DHX38: variants seen among roughly 807,000 people sequenced by gnomAD.
DHX38 encodes the protein pre-mRNA-splicing factor ATP-dependent RNA helicase PRP16.
DHX38 carries 100 observed loss-of-function variants against 153.1 expected under a neutral mutation model. The ratio of observed to expected loss-of-function variants is 0.65; its 90% CI spans 0.56 to 0.77. DHX38 has a LOEUF of 0.77. Among genes scored for constraint, DHX38 ranks in the 30% least tolerant of loss-of-function variants. The probability of loss-of-function intolerance (pLI) is 0.00; values close to 1 mark genes in which losing one functional copy is unlikely to be tolerated. For synonymous variants in DHX38, 650 were observed against 631.7 expected (o/e 1.03, Z -0.43); for missense variants, 1,440 against 1,654.0 (o/e 0.87, Z 2.24).
At chr16:72,100,988 C>T in intron 9 of DHX38, 98 bp from the exon 10 acceptor site, 1 of 1,186,750 alleles carries the variant, frequency 8.4e-7, no homozygotes, top group Non-Finnish European at 1.3e-6. Context: ...AGCCCTGTAC[C>T]ATGAGAGGGT....
At chr16:72,100,849 C>T (rs1292226020) in intron 9 of DHX38, among the ~76,000 whole-genome samples, 1 of 152,150 alleles carries the variant, frequency 6.6e-6, no homozygotes, top group Non-Finnish European at 1.5e-5. Flanking sequence ...GTTGCTTGAA[C>T]CTGGGAGGCA....
chr16:72,109,105 G>T lies in DHX38; in HGVS notation c.3381+180G>T, dbSNP rs1280819088. Among the ~76,000 whole-genome samples, 3 of 152,212 alleles carry T rather than the reference G, an allele frequency of 2.0e-5. No individual in the cohort carries two copies. In the East Asian group the frequency reaches 5.8e-4, roughly 29 times the overall value. On this transcript the variant is annotated intron_variant, in intron 24 of 26. Transcript: ENST00000268482. ...ACTTGGGGAAGCTCTGCACAGGGTT[G>T]ACCTCTAGACTGCATTGACCTCAGC...
At chr16:72,101,678 C>T (rs555909079) in intron 11 of DHX38, 66 bp downstream of exon 11, 23 of 1,342,506 alleles carry the variant, frequency 1.7e-5, no homozygotes, top group Middle Eastern at 2.2e-4. Context: ...TGGGCAGTTG[C>T]GGCAGAACCC....
chr16:72,104,192 G>A lies in DHX38; in HGVS notation c.2010+61G>A. 1 of 1,576,912 alleles carries A rather than the reference G, an allele frequency of 6.3e-7. No homozygotes were observed. The highest frequency in any genetic ancestry group is 1.1e-5 in the South Asian group (1 of 87,716). On this transcript the variant is annotated intron_variant, in intron 14 of 26. Transcript: ENST00000268482. The surrounding 1 kb of genome is among the most constrained non-coding windows in gnomAD (Gnocchi z 4.5). ...GGTGTTGACCAGTGCACCACCAGTA[G>A]CTAGTGGGTTGCTCCAGGTGGGCTG...
chr16:72,095,568 T>C (rs2042001293), intron 1 of DHX38, among the ~76,000 whole-genome samples: 2 of 152,240 alleles, frequency 1.3e-5, no homozygotes, highest in South Asian at 4.1e-4. Context: ...TTAACTGTTA[T>C]GGTTACATAA....
In DHX38 at chr16:72,103,099, A is replaced by G. The variant is rs551793007; in HGVS notation, c.1525A>G (p.Met509Val). ...YRTEQKFADH[M>V]KRKSEASSEF... ...GACAGAGCAGAAGTTTGCAGATCAC[A>G]TGAAGAGAAAGAGCGAAGCCAGCAG... is the stretch of plus-strand genomic sequence containing the variant. The change falls in exon 12 of 27, where the codon ATG becomes GTG. Residue 509 changes from methionine (M) to valine (V), a missense_variant. Met to Val is a conservative substitution (Grantham distance 21). Transcript: ENST00000268482. 2 of 1,614,100 alleles carry G rather than the reference A, an allele frequency of 1.2e-6. No individual in the cohort carries two copies. The highest frequency in any genetic ancestry group is 1.7e-6 in the Non-Finnish European group (2 of 1,180,030).
Position 72,100,461 on chromosome 16 carries a change from G to T in DHX38, c.1142G>T (p.Arg381Leu), listed in dbSNP as rs2042084954. Residue 381 changes from arginine to leucine, a missense_variant, in exon 9 of 27, where the codon CGC becomes CTC. By Grantham distance (102) the Arg-to-Leu change is moderately radical (BLOSUM62 -2). Around this residue, in one of 6 missense-constraint regions of DHX38, gnomAD observed 77 missense variants for 125.4 expected, o/e 0.61. Coordinates refer to ENST00000268482, the MANE Select transcript of DHX38 (RefSeq NM_014003.4). ...NEDNERWETNRMLTSGVVHRL... is the reference protein window; with the variant it reads ...NEDNERWETNLMLTSGVVHRL... ...GATAACGAGCGCTGGGAGACAAACC[G>T]CATGCTCACCAGTGGGGTGGTCCAT... The T allele has an allele frequency of 6.2e-7, 1 of 1,613,956 alleles. No homozygotes were observed. Among genetic ancestry groups the T allele is most frequent in the South Asian group, 1.1e-5 (1 of 91,088 alleles).
rs565963668 is a variant in DHX38, at chr16:72,100,523, G to A, written c.1204G>A (p.Ala402Thr). 13 of 1,614,192 alleles carry A rather than the reference G, an allele frequency of 8.1e-6. No individual in the cohort carries two copies. The highest frequency in any genetic ancestry group is 5.0e-5 in the Admixed American group (3 of 60,030). ...GGATGAGGACTTTGAAGAGGACAAC[G>A]CGGCCAAGGTGCATCTGATGGTGCA... ...EVDEDFEEDN[A>T]AKVHLMVHNL... The change falls in exon 9 of 27, where the codon GCG becomes ACG. Residue 402 changes from alanine (A) to threonine (T), a missense_variant. Transcript: ENST00000268482.
intron 26 of DHX38, 27 bp from the exon 27 acceptor site, chr16:72,112,386 T>G (rs750698568): frequency 4.4e-6 from 7 of 1,603,948 alleles, no homozygotes; most frequent in African/African-American, 1.3e-5. Flanking sequence ...GCACGGTGTT[T>G]CCTGATCTCT....
rs1255760349 is a variant in DHX38 at position 72,107,307 on chromosome 16, T to C, written c.2601-33T>C. 2 of 1,584,250 alleles carry C rather than the reference T, an allele frequency of 1.3e-6. No individual in the cohort carries two copies. The highest frequency in any genetic ancestry group is 4.5e-5 in the East Asian group (2 of 44,666). ...TGTACTGGCTGCTGTGGGGTTTCCTTGTGGTGAGAAGATGGGGTCTTCTCC... is the reference window on the plus strand; with the variant it reads ...TGTACTGGCTGCTGTGGGGTTTCCTCGTGGTGAGAAGATGGGGTCTTCTCC... On this transcript the variant is annotated intron_variant, in intron 19 of 26. Transcript: ENST00000268482. The surrounding 1 kb of genome is among the most constrained non-coding windows in gnomAD (Gnocchi z 5.3).
At chr16:72,098,124 T>TAAAC (rs1352362484) in intron 4 of DHX38, among the ~76,000 whole-genome samples, 1 of 152,192 alleles carries the variant, frequency 6.6e-6, no homozygotes, top group Non-Finnish European at 1.5e-5. Flanking sequence ...AATGTTGTCA[T>TAAAC]AAACACAGAA....
intron 24 of DHX38, 59 bp downstream of exon 24, chr16:72,108,984 A>G: frequency 6.5e-7 from 1 of 1,532,580 alleles, no homozygotes; most frequent in Non-Finnish European, 8.8e-7. Flanking sequence ...AGGCTTTGAA[A>G]CCCTTCACTG....
intron 13 of DHX38, 59 bp from the exon 14 acceptor site, chr16:72,103,887 G>T: frequency 6.2e-7 from 1 of 1,605,430 alleles, no homozygotes; most frequent in Non-Finnish European, 8.5e-7. Flanking sequence ...ACCCCAGTAC[G>T]GGGTGTGCTG....
Position 72,097,932 on chromosome 16 carries a change from GGCACAGCTCT to G in DHX38, c.616+156_616+165del, listed in dbSNP as rs901725838. The G allele has an allele frequency of 2.9e-5, 23 of 779,756 alleles. No homozygotes were observed. In the African/African-American group the frequency reaches 3.9e-4, roughly 13 times the overall value. The allele number at this position is 779,756 out of a possible 1,614,324, so 48.3% of individuals were successfully genotyped here. A position where few individuals can be genotyped will look rare whatever the true frequency, so the allele number is the denominator to read the frequency against. On this transcript the variant is annotated intron_variant, in intron 4 of 26. Transcript: ENST00000268482. The stretch of plus-strand genomic sequence containing the variant: ...GGGATAGTTGGTTCTGAGTCAGGTG[GGCACAGCTCT>G]GCACTTGGGGTGGATATGGTTCCTG...
At chr16:72,095,650 TA>T (rs2042003504) in intron 1 of DHX38, among the ~76,000 whole-genome samples, 1 of 152,324 alleles carries the variant, frequency 6.6e-6, no homozygotes, top group African/African-American at 2.4e-5. Flanking sequence ...TTAGATAAGG[TA>T]AAAATTTTTT....
chr16:72,105,880 A>G, intron 18 of DHX38, 125 bp from the exon 19 acceptor site: 1 of 861,586 alleles, frequency 1.2e-6, no homozygotes, highest in Non-Finnish European at 1.9e-6. Context: ...GTTCATGAGA[A>G]CATTTCTAGA....
In DHX38 at chr16:72,109,330, C is replaced by T. The variant is rs2042227272; in HGVS notation, c.3382-85C>T. The T allele has an allele frequency of 2.1e-6, 3 of 1,460,390 alleles. No individual in the cohort carries two copies. The Admixed American group carries it at 5.9e-5, about 29-fold the overall frequency. 90.5% of individuals were successfully genotyped at this position (1,460,390 alleles called of 1,614,324 possible). On this transcript the variant is annotated intron_variant, in intron 24 of 26. Transcript: ENST00000268482. Reference sequence around the variant, plus strand: ...TTGCAGGGCCAGGGATTGGGCCCTTCCCATGTGGCTCCTAATTGTGGAACC... The same window carrying T: ...TTGCAGGGCCAGGGATTGGGCCCTTTCCATGTGGCTCCTAATTGTGGAACC...
At chr16:72,105,451 T>C in intron 17 of DHX38, 66 bp from the exon 18 acceptor site, 2 of 1,603,894 alleles carry the variant, frequency 1.2e-6, no homozygotes, top group East Asian at 2.2e-5. Flanking sequence ...GGTAGGCTTT[T>C]CCCCCTCGCG....
At chr16:72,102,976 AG>A (rs1278730187) in intron 11 of DHX38, 97 bp from the exon 12 acceptor site, 21 of 1,512,012 alleles carry the variant, frequency 1.4e-5, no homozygotes, top group Non-Finnish European at 1.8e-5. Context: ...CTCTTGCCGA[AG>A]TCCTCATTCC....
Sources: allele counts gnomAD v4.1 joint callset (sites outside exome capture counted in the v4.1 genomes callset), GRCh38; gene constraint gnomAD v4.1.1; regional missense constraint gnomAD v4.1.1; non-coding constraint Gnocchi (gnomAD v3.1); transcripts MANE v1.5; gene names NCBI Gene and HGNC (gene_info 2026-07-23, HGNC 2026-07-21).